Variants in TRAF3 observed in about 807,000 individuals in gnomAD.
TRAF3 encodes TNF receptor-associated factor 3.
TRAF3 carries 13 observed loss-of-function variants against 62.3 expected under a neutral mutation model. The observed-to-expected ratio is 0.21, with a 90% CI of 0.14 to 0.33. The LOEUF (loss-of-function observed/expected upper bound fraction) is 0.33, where lower values mean the gene tolerates loss of function less well. TRAF3 is among the 10% of genes least tolerant of loss of function. The pLI, the probability that TRAF3 is intolerant of heterozygous loss-of-function variation, is 1.00. For synonymous variants in TRAF3, 269 were observed against 283.4 expected (o/e 0.95, Z 0.51); for missense variants, 440 against 741.8 (o/e 0.59, Z 4.73).
intron 9 of TRAF3, among the ~76,000 whole-genome samples, chr14:102,892,892 C>T (rs1018179898): frequency 6.6e-6 from 1 of 152,212 alleles, no homozygotes; most frequent in Non-Finnish European, 1.5e-5. Flanking sequence ...GACTCATATT[C>T]GCAGAATCCT....
intron 1 of TRAF3, among the ~76,000 whole-genome samples, chr14:102,789,592 ATATGTG>A (rs202061732): frequency 4.2e-4 from 45 of 106,680 alleles, no homozygotes; most frequent in African/African-American, 1.6e-3. Flanking sequence ...ACAAAAGGAT[ATATGTG>A]TGTGTGTGTG....
chr14:102,845,441 G>T (rs1413021618), intron 2 of TRAF3, among the ~76,000 whole-genome samples: 1 of 151,588 alleles, frequency 6.6e-6, no homozygotes, highest in African/African-American at 2.4e-5. Flanking sequence ...GACCTCAGGT[G>T]ATCTGCCCAC....
intron 2 of TRAF3, among the ~76,000 whole-genome samples, chr14:102,867,136 A>G (rs905517034): frequency 2.6e-5 from 4 of 152,026 alleles, no homozygotes; most frequent in Admixed American, 1.3e-4. Flanking sequence ...GCAGTTTGGC[A>G]CTCATTTACA....
At chr14:102,817,059 G>T (rs148105046) in intron 1 of TRAF3, among the ~76,000 whole-genome samples, 7 of 152,276 alleles carry the variant, frequency 4.6e-5, no homozygotes, top group Non-Finnish European at 8.8e-5. Context: ...CATTGCCAGA[G>T]GCAGATCAGA....
At chr14:102,835,122 T>C (rs1358495327) in intron 2 of TRAF3, among the ~76,000 whole-genome samples, 2 of 150,844 alleles carry the variant, frequency 1.3e-5, no homozygotes, top group African/African-American at 4.9e-5. Flanking sequence ...CCAAAGAAGA[T>C]GCACATGCAG....
chr14:102,873,276 G>T (rs1315406334), intron 4 of TRAF3, among the ~76,000 whole-genome samples: 1 of 152,104 alleles, frequency 6.6e-6, no homozygotes, highest in Non-Finnish European at 1.5e-5. Flanking sequence ...TGGCCACCTG[G>T]CCCTGTACCT....
At chr14:102,820,630 TTTTTTTTTTTTTTTTG>T (rs1167373594) in intron 1 of TRAF3, among the ~76,000 whole-genome samples, 20 of 83,510 alleles carry the variant, frequency 2.4e-4, no homozygotes, top group African/African-American at 1.1e-3. Flanking sequence ...TTTTTTTTTT[TTTTTTTTTTTTTTTTG>T]ACAGGTTCTT....
intron 1 of TRAF3, among the ~76,000 whole-genome samples, chr14:102,780,724 T>C (rs574677094): frequency 6.6e-6 from 1 of 152,262 alleles, no homozygotes; most frequent in Non-Finnish European, 1.5e-5. Context: ...CTCATTTAAT[T>C]AATATTCAGT....
At chr14:102,801,200 C>G (rs2139459914) in intron 1 of TRAF3, among the ~76,000 whole-genome samples, 1 of 152,244 alleles carries the variant, frequency 6.6e-6, no homozygotes, top group African/African-American at 2.4e-5. Flanking sequence ...TCTCAGACTC[C>G]TAGACTCAAG....
At chr14:102,889,191 A>G (rs1033131281) in intron 7 of TRAF3, among the ~76,000 whole-genome samples, 14 of 152,006 alleles carry the variant, frequency 9.2e-5, no homozygotes, top group Admixed American at 8.5e-4. Flanking sequence ...AATGCTTTCT[A>G]TTTTTTTGTG....
At chr14:102,887,235 G>A (rs990706532) in intron 7 of TRAF3, among the ~76,000 whole-genome samples, 7 of 152,224 alleles carry the variant, frequency 4.6e-5, no homozygotes, top group African/African-American at 1.7e-4. Flanking sequence ...TGTGTGGTAC[G>A]CTGATCTAAG....
chr14:102,897,472 T>C, intron 10 of TRAF3, 71 bp downstream of exon 10: 1 of 1,587,394 alleles, frequency 6.3e-7, no homozygotes, highest in Non-Finnish European at 8.6e-7. Flanking sequence ...AAGGGTTTCT[T>C]AGCAAACTCT....
intron 2 of TRAF3, among the ~76,000 whole-genome samples, chr14:102,831,637 T>C (rs1900694022): frequency 6.6e-6 from 1 of 152,146 alleles, no homozygotes; most frequent in Non-Finnish European, 1.5e-5. Flanking sequence ...TTATGTGGAG[T>C]GACCTTCTGT....
At chr14:102,793,852 A>T (rs1897930753) in intron 1 of TRAF3, among the ~76,000 whole-genome samples, 1 of 152,184 alleles carries the variant, frequency 6.6e-6, no homozygotes, top group South Asian at 2.1e-4. Context: ...TAAAACAGTA[A>T]TCTACTACTA....
chr14:102,804,958 A>G (rs1898680199), intron 1 of TRAF3, among the ~76,000 whole-genome samples: 1 of 152,216 alleles, frequency 6.6e-6, no homozygotes, highest in Admixed American at 6.5e-5. Context: ...GTTCTTGTCT[A>G]TACCACCATA....
chr14:102,816,217 C>T (rs2139549708), intron 1 of TRAF3, among the ~76,000 whole-genome samples: 1 of 152,144 alleles, frequency 6.6e-6, no homozygotes, highest in Non-Finnish European at 1.5e-5. Flanking sequence ...ATCCTCTCAC[C>T]TCAGCCCCCC....
At chr14:102,820,553 G>T (rs1899835132) in intron 1 of TRAF3, among the ~76,000 whole-genome samples, 2 of 95,034 alleles carry the variant, frequency 2.1e-5, no homozygotes, top group Admixed American at 1.4e-4. Context: ...AAATTTATTT[G>T]CTTTCTGAAA....
In TRAF3 at chr14:102,875,798, G is replaced by A. The variant is rs1888614988; in HGVS notation, c.402+70G>A. ...GAGTCCCTTACATCCAGCTGATGAA[G>A]TGGTCAGTAGGATGTGGCACTTTAA... On this transcript the variant is annotated intron_variant, in intron 5 of 11. Transcript: ENST00000392745. The A allele has an allele frequency of 1.2e-5, 16 of 1,334,192 alleles. No homozygotes were observed. In the East Asian group the frequency reaches 3.5e-4, roughly 29 times the overall value. 82.6% of individuals were successfully genotyped at this position (1,334,192 alleles called of 1,614,324 possible).
rs1890646503 is a variant in TRAF3 at position 102,907,576 on chromosome 14, C to T, written c.*1792C>T. ...GTGCCACTCGCCCACAAGCCGCGCC[C>T]ACAATTGGCCAGCTGGGCCGTGCAC... On this transcript the variant is annotated 3_prime_UTR_variant, in exon 12 of 12. Transcript: ENST00000392745. 2 of 152,286 alleles carry T rather than the reference C, an allele frequency of 1.3e-5. No homozygotes were observed. The highest frequency in any genetic ancestry group is 4.1e-4 in the South Asian group (2 of 4,836). The allele number at this position is 152,286 out of a possible 1,614,324, so 9.4% of individuals were successfully genotyped here. A position where few individuals can be genotyped will look rare whatever the true frequency, so the allele number is the denominator to read the frequency against.
Sources: gnomAD v4.1 joint callset for allele counts (sites outside exome capture counted in the v4.1 genomes callset) on GRCh38, gnomAD v4.1.1 for gene constraint, MANE v1.5 for transcripts, NCBI Gene and HGNC (gene_info 2026-07-23, HGNC 2026-07-21) for gene names.